Variants in GALNTL6 observed in about 807,000 individuals in gnomAD.
GALNTL6 encodes polypeptide N-acetylgalactosaminyltransferase like 6, also known as polypeptide N-acetylgalactosaminyltransferase-like 6.
GALNTL6 carries 46 observed loss-of-function variants against 73.7 expected under a neutral mutation model. That is an observed-to-expected ratio of 0.62 (90% confidence interval 0.49 to 0.80). The LOEUF is 0.80. Ranked by LOEUF, GALNTL6 falls within the 30% of genes least tolerant of loss-of-function variation. The probability of loss-of-function intolerance (pLI) is 0.00; values close to 1 mark genes in which losing one functional copy is unlikely to be tolerated. For synonymous variants in GALNTL6, 259 were observed against 263.7 expected (o/e 0.98, Z 0.17); for missense variants, 604 against 755.0 (o/e 0.80, Z 2.34).
chr4:173,034,108 C>T (rs1753584028), intron 12 of GALNTL6, among the ~76,000 whole-genome samples: 1 of 152,196 alleles, frequency 6.6e-6, no homozygotes, highest in South Asian at 2.1e-4. Flanking sequence ...TCAACCTCCA[C>T]ATCTCATTAA....
intron 2 of GALNTL6, among the ~76,000 whole-genome samples, chr4:171,964,314 T>C (rs1739321578): frequency 6.6e-6 from 1 of 152,196 alleles, no homozygotes; most frequent in Admixed American, 6.5e-5. Context: ...TTGTCATCTT[T>C]TTATTCCTCT....
intron 4 of GALNTL6, among the ~76,000 whole-genome samples, chr4:172,318,707 AC>A (rs1321156898): frequency 6.5e-5 from 3 of 46,154 alleles, no homozygotes; most frequent in South Asian, 9.6e-4. Context: ...CATCCCCCCC[AC>A]CCCCCAAAAA....
intron 3 of GALNTL6, among the ~76,000 whole-genome samples, chr4:172,233,357 TAA>T (rs1390115825): frequency 4.7e-5 from 7 of 149,530 alleles, no homozygotes; most frequent in Non-Finnish European, 1.0e-4. Flanking sequence ...TCTAAATAAA[TAA>T]ATAAATAAAT....
chr4:171,982,262 A>G (rs958716289), intron 2 of GALNTL6, among the ~76,000 whole-genome samples: 16 of 151,038 alleles, frequency 1.1e-4, no homozygotes, highest in Admixed American at 5.3e-4. Context: ...AAAAGTGACT[A>G]TCATTCACCT....
At chr4:172,443,724 A>G (rs1354558408) in intron 5 of GALNTL6, among the ~76,000 whole-genome samples, 3 of 152,172 alleles carry the variant, frequency 2.0e-5, no homozygotes, top group Non-Finnish European at 4.4e-5. Context: ...TATTTTTAGT[A>G]TTGGGGGAAA....
At chr4:172,801,301 A>G (rs1429405831) in intron 5 of GALNTL6, among the ~76,000 whole-genome samples, 2 of 152,192 alleles carry the variant, frequency 1.3e-5, no homozygotes, top group African/African-American at 2.4e-5. Context: ...GTGTAAAATA[A>G]TCTATTATTT....
chr4:171,902,657 C>T (rs989973320), intron 2 of GALNTL6, among the ~76,000 whole-genome samples: 5 of 152,028 alleles, frequency 3.3e-5, no homozygotes, highest in Admixed American at 2.0e-4. Context: ...TTGAAAGAAG[C>T]GAAGTGAATA....
chr4:172,368,889 G>A (rs2111253632), intron 5 of GALNTL6, among the ~76,000 whole-genome samples: 1 of 152,330 alleles, frequency 6.6e-6, no homozygotes, highest in East Asian at 1.9e-4. Flanking sequence ...TGGGTTCGTG[G>A]TCTCGCTGGC....
At chr4:172,367,518 T>C (rs1397233824) in intron 5 of GALNTL6, among the ~76,000 whole-genome samples, 1 of 152,198 alleles carries the variant, frequency 6.6e-6, no homozygotes, top group African/African-American at 2.4e-5. Context: ...GTAATCTTGT[T>C]CTTATTTGAA....
chr4:172,719,649 A>G (rs1406535971), intron 5 of GALNTL6, among the ~76,000 whole-genome samples: 2 of 152,198 alleles, frequency 1.3e-5, no homozygotes, highest in Admixed American at 6.5e-5. Flanking sequence ...GATATAAGAT[A>G]TATTTTATGT....
At chr4:172,192,210 G>A (rs180980086) in intron 2 of GALNTL6, among the ~76,000 whole-genome samples, 15 of 151,840 alleles carry the variant, frequency 9.9e-5, no homozygotes, top group African/African-American at 2.9e-4. Context: ...ATTCCTCTGA[G>A]TTATCATAAC....
intron 2 of GALNTL6, among the ~76,000 whole-genome samples, chr4:172,002,950 G>A (rs76589461): frequency 1.9e-3 from 289 of 152,190 alleles, no homozygotes; most frequent in Non-Finnish European, 3.2e-3. Context: ...AGCTTTTATA[G>A]GCTACATGTA....
intron 2 of GALNTL6, among the ~76,000 whole-genome samples, chr4:171,849,684 G>A (rs1347133819): frequency 2.6e-5 from 4 of 152,026 alleles, no homozygotes; most frequent in Admixed American, 1.3e-4. Flanking sequence ...ATTATTAACT[G>A]AAAATTTACA....
chr4:172,045,228 C>T (rs1054287177), intron 2 of GALNTL6, among the ~76,000 whole-genome samples: 2 of 151,940 alleles, frequency 1.3e-5, no homozygotes, highest in South Asian at 2.1e-4. Flanking sequence ...GCACTGTGCG[C>T]CTAAGAGACA....
chr4:172,988,616 A>G (rs1257869038), intron 10 of GALNTL6, among the ~76,000 whole-genome samples: 1 of 152,260 alleles, frequency 6.6e-6, no homozygotes, highest in East Asian at 1.9e-4. Flanking sequence ...AAGATGTTTC[A>G]GAGACCTTCA....
At chr4:172,383,756 G>A (rs1033545597) in intron 5 of GALNTL6, among the ~76,000 whole-genome samples, 1 of 152,036 alleles carries the variant, frequency 6.6e-6, no homozygotes, top group East Asian at 1.9e-4. Context: ...CTTCTATTTG[G>A]TAGATGCTTT....
At chr4:171,954,696 C>A (rs1389485357) in intron 2 of GALNTL6, among the ~76,000 whole-genome samples, 2 of 152,032 alleles carry the variant, frequency 1.3e-5, no homozygotes, top group Admixed American at 6.6e-5. Flanking sequence ...GGATTTGGGT[C>A]CCTGCCCAAA....
chr4:172,402,621 A>G (rs192052175), intron 5 of GALNTL6, among the ~76,000 whole-genome samples: 3 of 152,202 alleles, frequency 2.0e-5, no homozygotes, highest in East Asian at 1.9e-4. Context: ...TTTCAAAAAG[A>G]CTGTTGTTTT....
rs1334571441 is a variant in GALNTL6, at chr4:172,273,253, GTAC to G, written c.248-38358_248-38356del. Among the ~76,000 whole-genome samples, 3 of 152,266 alleles carry G rather than the reference GTAC, an allele frequency of 2.0e-5. No homozygotes were observed. In the East Asian group the frequency reaches 5.8e-4, roughly 29 times the overall value. ...AAAAATATAATATATGTTTGAAGCTGTACTAAGTAGCTATGCAAACCACAGATA... is the reference window on the plus strand; with the variant it reads ...AAAAATATAATATATGTTTGAAGCTGTAAGTAGCTATGCAAACCACAGATA... On this transcript the variant is annotated intron_variant, in intron 3 of 12. Transcript: ENST00000506823.
Sources: gnomAD v4.1 joint callset for allele counts (sites outside exome capture counted in the v4.1 genomes callset) on GRCh38, gnomAD v4.1.1 for gene constraint, MANE v1.5 for transcripts, NCBI Gene and HGNC (gene_info 2026-07-23, HGNC 2026-07-21) for gene names.